COX7B2: variants seen among roughly 807,000 people sequenced by gnomAD.
The protein encoded by COX7B2 is cytochrome c oxidase subunit 7B2, mitochondrial.
For synonymous variants in COX7B2, 37 were observed against 32.1 expected, an observed-to-expected ratio of 1.15 and a Z score of -0.51; for missense variants, 109 against 95.9, an observed-to-expected ratio of 1.14 and a Z score of -0.57.
chr4:46,819,560 A>G (rs1447668730), intron 2 of COX7B2, among the ~76,000 whole-genome samples: 6 of 150,970 alleles, frequency 4.0e-5, no homozygotes, highest in African/African-American at 1.5e-4. Flanking sequence ...AAAAAAAAAA[A>G]TTCAGACAAA....
intron 2 of COX7B2, among the ~76,000 whole-genome samples, chr4:46,800,263 A>G (rs942104526): frequency 3.3e-5 from 5 of 152,122 alleles, no homozygotes; most frequent in Non-Finnish European, 5.9e-5. Flanking sequence ...ATTAGAAAAA[A>G]ACTACTCTAA....
chr4:46,882,510 G>A lies in COX7B2; in HGVS notation c.-105+26650C>T, dbSNP rs147009796. Among the ~76,000 whole-genome samples, 814 of 152,258 alleles carry A rather than the reference G, an allele frequency of 5.3e-3. 4 individuals carry two copies. Among genetic ancestry groups the A allele is most frequent in the Non-Finnish European group, 8.9e-3 (606 of 68,002 alleles). On this transcript the variant is annotated intron_variant, in intron 1 of 2. Coordinates refer to ENST00000355591, the MANE Select transcript of COX7B2 (RefSeq NM_130902.3). ...ATGCATACATATTTAGCATAGTTAG[G>A]TCTTCTGGTTAAACTGAACCCTTTA... is the stretch of plus-strand genomic sequence containing the variant.
chr4:46,906,797 A>C (rs914694198), intron 1 of COX7B2, among the ~76,000 whole-genome samples: 1 of 152,220 alleles, frequency 6.6e-6, no homozygotes, highest in Non-Finnish European at 1.5e-5. Flanking sequence ...TTCTCTCATT[A>C]GACCAACATC....
At chr4:46,753,811 C>T (rs961869322) in intron 2 of COX7B2, among the ~76,000 whole-genome samples, 9 of 151,814 alleles carry the variant, frequency 5.9e-5, no homozygotes, top group African/African-American at 1.9e-4. Flanking sequence ...TGCAATCTAC[C>T]CATCTGACAA....
chr4:46,765,154 G>T (rs1560364990), intron 2 of COX7B2, among the ~76,000 whole-genome samples: 1 of 151,684 alleles, frequency 6.6e-6, no homozygotes, highest in African/African-American at 2.4e-5. Context: ...ATCCATGCAT[G>T]AAAAAAAACA....
At chr4:46,908,270 A>G (rs1250443118) in intron 1 of COX7B2, among the ~76,000 whole-genome samples, 1 of 152,126 alleles carries the variant, frequency 6.6e-6, no homozygotes, top group Non-Finnish European at 1.5e-5. Flanking sequence ...CAAAAAGACT[A>G]TAATCATACC....
intron 2 of COX7B2, among the ~76,000 whole-genome samples, chr4:46,770,806 C>T (rs1225353117): frequency 5.3e-5 from 8 of 151,896 alleles, no homozygotes; most frequent in African/African-American, 1.9e-4. Context: ...TTTATCTTAC[C>T]CTATATGCAG....
intron 2 of COX7B2, among the ~76,000 whole-genome samples, chr4:46,837,087 C>T (rs1000678153): frequency 6.6e-6 from 1 of 152,168 alleles, no homozygotes; most frequent in African/African-American, 2.4e-5. Flanking sequence ...AACATGTTAA[C>T]TTCAGTGCAG....
intron 2 of COX7B2, among the ~76,000 whole-genome samples, chr4:46,815,446 C>T (rs1296162008): frequency 6.6e-6 from 1 of 152,054 alleles, no homozygotes; most frequent in Non-Finnish European, 1.5e-5. Context: ...TCTAATAAAA[C>T]CTTTTTCTTT....
intron 2 of COX7B2, among the ~76,000 whole-genome samples, chr4:46,830,511 T>C (rs1413847082): frequency 6.6e-6 from 1 of 152,038 alleles, no homozygotes; most frequent in Non-Finnish European, 1.5e-5. Flanking sequence ...ATTGTGTTCA[T>C]TAATAGAAGG....
At chr4:46,735,665 C>T (rs1714320762) in intron 2 of COX7B2, among the ~76,000 whole-genome samples, 1 of 152,120 alleles carries the variant, frequency 6.6e-6, no homozygotes, top group South Asian at 2.1e-4. Context: ...CCTTCTTTAA[C>T]TGTAATACTT....
At chr4:46,835,208 A>G (rs1178917535) in intron 2 of COX7B2, among the ~76,000 whole-genome samples, 1 of 152,148 alleles carries the variant, frequency 6.6e-6, no homozygotes, top group Non-Finnish European at 1.5e-5. Flanking sequence ...GGACAATTTG[A>G]AAGCATCTAT....
At chr4:46,905,814 C>CTTTTTTTTTTTTTTT (rs761904309) in intron 1 of COX7B2, among the ~76,000 whole-genome samples, 2 of 71,690 alleles carry the variant, frequency 2.8e-5, no homozygotes, top group Non-Finnish European at 5.0e-5. Flanking sequence ...GCATATATTT[C>CTTTTTTTTTTTTTTT]TTTTTTTTTT....
chr4:46,734,860 A>T lies in COX7B2; in HGVS notation c.*87T>A. On this transcript the variant is annotated 3_prime_UTR_variant, in exon 3 of 3. Transcript: ENST00000355591. ...GATTTAAAACACATTTTATTTTTTC[A>T]ATTGTGCTATATTTTAATAAGCAGT... 6.9e-7 allele frequency: 1 copy of T among 1,441,560 alleles called. No individual in the cohort carries two copies. Among genetic ancestry groups the T allele is most frequent in the Non-Finnish European group, 9.6e-7 (1 of 1,043,054 alleles). The allele number at this position is 1,441,560 out of a possible 1,614,324, so 89.3% of individuals were successfully genotyped here. A position where few individuals can be genotyped will look rare whatever the true frequency, so the allele number is the denominator to read the frequency against.
chr4:46,742,807 G>A (rs565471705), intron 2 of COX7B2, among the ~76,000 whole-genome samples: 5 of 152,216 alleles, frequency 3.3e-5, no homozygotes, highest in Non-Finnish European at 2.9e-5. Context: ...GGGATATTGA[G>A]GTAGGCACTC....
At chr4:46,827,158 C>A (rs1242595411) in intron 2 of COX7B2, among the ~76,000 whole-genome samples, 4 of 150,842 alleles carry the variant, frequency 2.7e-5, no homozygotes, top group African/African-American at 9.7e-5. Flanking sequence ...AGAATAGAGA[C>A]AAAAAGTGAA....
intron 1 of COX7B2, among the ~76,000 whole-genome samples, chr4:46,907,536 A>T (rs1018213302): frequency 3.9e-5 from 6 of 152,086 alleles, no homozygotes; most frequent in Admixed American, 2.0e-4. Flanking sequence ...ATTTATGAAG[A>T]TTTATGAAAA....
intron 2 of COX7B2, among the ~76,000 whole-genome samples, chr4:46,753,109 T>G (rs1422689464): frequency 6.6e-6 from 1 of 152,176 alleles, no homozygotes; most frequent in Non-Finnish European, 1.5e-5. Flanking sequence ...GTTATCGGTC[T>G]ATTCAGAGAT....
At chr4:46,803,355 C>T (rs775787703) in intron 2 of COX7B2, among the ~76,000 whole-genome samples, 14 of 151,756 alleles carry the variant, frequency 9.2e-5, no homozygotes, top group Admixed American at 3.3e-4. Flanking sequence ...ACAGGGTTGC[C>T]AGATAAAAAA....
Sources: gnomAD v4.1 joint callset for allele counts (sites outside exome capture counted in the v4.1 genomes callset) on GRCh38, gnomAD v4.1.1 for gene constraint, MANE v1.5 for transcripts, NCBI Gene and HGNC (gene_info 2026-07-23, HGNC 2026-07-21) for gene names.